C11orf65: variants seen among roughly 807,000 people sequenced by gnomAD.
C11orf65 encodes the protein chromosome 11 open reading frame 65.
C11orf65 carries 38 observed loss-of-function variants against 35.3 expected under a neutral mutation model. The observed-to-expected ratio is 1.08, with a 90% CI of 0.83 to 1.41. The LOEUF is 1.41. C11orf65 is among the 40% of genes most tolerant of loss of function. The probability of loss-of-function intolerance (pLI) is 0.00; values close to 1 mark genes in which losing one functional copy is unlikely to be tolerated. For missense variants in C11orf65, 370 were observed against 367.1 expected, an observed-to-expected ratio of 1.01 and a Z score of -0.06; for synonymous variants, 105 against 114.4, an observed-to-expected ratio of 0.92 and a Z score of 0.53.
chr11:108,312,905 C>T (rs988849611), intron 6 of C11orf65, among the ~76,000 whole-genome samples: 1 of 152,178 alleles, frequency 6.6e-6, no homozygotes, highest in Non-Finnish European at 1.5e-5. Flanking sequence ...TAAATTGGCT[C>T]ATGTTACTGT....
intron 6 of C11orf65, 72 bp from the exon 7 acceptor site, chr11:108,393,450 T>G: frequency 7.4e-7 from 1 of 1,351,942 alleles, no homozygotes; most frequent in Non-Finnish European, 1.0e-6. Context: ...AGGCAATATA[T>G]ATTGTTGCTA....
intron 1 of C11orf65, among the ~76,000 whole-genome samples, chr11:108,465,388 A>G (rs1200599440): frequency 6.6e-6 from 1 of 152,260 alleles, no homozygotes; most frequent in Admixed American, 6.5e-5. Context: ...AGCATTCAAA[A>G]TTATCTGATT....
chr11:108,377,744 C>T (rs1014072674), intron 2 of C11orf65, among the ~76,000 whole-genome samples: 3 of 151,764 alleles, frequency 2.0e-5, no homozygotes, highest in Non-Finnish European at 4.4e-5. Flanking sequence ...ACTGTCTCAG[C>T]CCAAAATCTC....
intron 2 of C11orf65, among the ~76,000 whole-genome samples, chr11:108,364,725 G>A (rs1312030971): frequency 1.3e-5 from 2 of 152,170 alleles, no homozygotes; most frequent in Non-Finnish European, 2.9e-5. Flanking sequence ...GACAGCCTGG[G>A]CTGAGGAAGA....
At chr11:108,406,666 T>C in intron 5 of C11orf65, 97 bp downstream of exon 5, 1 of 817,820 alleles carries the variant, frequency 1.2e-6, no homozygotes, top group Non-Finnish European at 1.7e-6. Context: ...ATTACTAGGA[T>C]TTATTATTTT....
chr11:108,401,148 C>T (rs1052340714), intron 6 of C11orf65, among the ~76,000 whole-genome samples: 14 of 151,750 alleles, frequency 9.2e-5, no homozygotes, highest in Middle Eastern at 3.2e-3. Context: ...CTGCTCCCCT[C>T]GCTCCCCTCA....
At chr11:108,425,175 TAA>T (rs1229963186) in intron 3 of C11orf65, among the ~76,000 whole-genome samples, 1 of 151,602 alleles carries the variant, frequency 6.6e-6, no homozygotes, top group Non-Finnish European at 1.5e-5. Context: ...CTGAAGGAGA[TAA>T]GAGACACAAA....
At chr11:108,365,067 G>T (rs1222455348) in intron 2 of C11orf65, 1 of 1,613,272 alleles carries the variant, frequency 6.2e-7, no homozygotes, top group African/African-American at 1.3e-5. Context: ...TAATACATAT[G>T]TTCTCTCTGT....
intron 2 of C11orf65, among the ~76,000 whole-genome samples, chr11:108,352,601 T>C (rs562668393): frequency 5.8e-4 from 89 of 152,276 alleles, no homozygotes; most frequent in African/African-American, 1.9e-3. Flanking sequence ...AAAATGGCCA[T>C]GTACTACAAA....
At chr11:108,363,542 G>C (rs565512433) in intron 2 of C11orf65, among the ~76,000 whole-genome samples, 5 of 152,278 alleles carry the variant, frequency 3.3e-5, no homozygotes, top group African/African-American at 4.8e-5. Context: ...TCACAATTGG[G>C]GATGGGAGAT....
intron 2 of C11orf65, among the ~76,000 whole-genome samples, chr11:108,437,776 C>T (rs983505002): frequency 3.2e-4 from 44 of 138,700 alleles, no homozygotes; most frequent in Non-Finnish European, 2.1e-4. Context: ...CCCACATTCA[C>T]AGATTGGAAG....
chr11:108,373,166 C>A (rs934330750), intron 2 of C11orf65, among the ~76,000 whole-genome samples: 10 of 152,072 alleles, frequency 6.6e-5, no homozygotes, highest in African/African-American at 2.4e-4. Flanking sequence ...ATTAGCAAAT[C>A]AATTCTATCA....
At chr11:108,467,621 G>C (rs1251514161), upstream of C11orf65, 2 of 152,198 alleles carry the variant, frequency 1.3e-5, no homozygotes. Context: ...ACAAAGTGCA[G>C]GGGATATAGA....
At position 108,316,051 on chromosome 11, in the gene C11orf65, C is replaced by G. The variant is rs1456877872; in HGVS notation, c.641-6980G>C. 6.2e-7 allele frequency: 1 copy of G among 1,614,148 alleles called. No homozygotes were observed. The highest frequency in any genetic ancestry group is 2.2e-5 in the East Asian group (1 of 44,868). On this transcript the variant is annotated intron_variant, in intron 6 of 6. Coordinates refer to the C11orf65 transcript ENST00000525729. ...ACACGAAGCAATGTGGGGCAAAGCC[C>G]TAGTAACATATGACCTCGAAACAGC...
Position 108,459,411 on chromosome 11 carries a change from T to A in C11orf65, c.81+2068A>T, listed in dbSNP as rs569570650. 2.5e-3 allele frequency among the ~76,000 whole-genome samples: 383 copies of A among 152,176 alleles called. 7 individuals carry two copies. The highest frequency in any genetic ancestry group is 2.1e-4 in the Non-Finnish European group (14 of 67,994). Reference sequence around the variant, plus strand: ...AGACAACTGGCACAGCTGCCCCATATACAGACCTTCAATTAACCCCTGTCT... The same window carrying A: ...AGACAACTGGCACAGCTGCCCCATAAACAGACCTTCAATTAACCCCTGTCT... On this transcript the variant is annotated intron_variant, in intron 2 of 8. Coordinates refer to ENST00000393084, the MANE Select transcript of C11orf65 (RefSeq NM_152587.5).
At chr11:108,426,786 T>C (rs1407313109) in intron 3 of C11orf65, among the ~76,000 whole-genome samples, 2 of 152,178 alleles carry the variant, frequency 1.3e-5, no homozygotes, top group Non-Finnish European at 2.9e-5. Flanking sequence ...AGCATGGTAC[T>C]GATACCAAAA....
intron 6 of C11orf65, among the ~76,000 whole-genome samples, chr11:108,403,380 G>T (rs1233482177): frequency 1.9e-5 from 2 of 106,726 alleles, no homozygotes; most frequent in East Asian, 3.2e-4. Flanking sequence ...CAAATTTTTT[G>T]CCCACTTTAA....
intron 4 of C11orf65, 42 bp downstream of exon 4, chr11:108,407,054 A>G (rs767001775): frequency 6.3e-7 from 1 of 1,579,368 alleles, no homozygotes; most frequent in Non-Finnish European, 8.7e-7. Context: ...TTTCATAAAA[A>G]TGTGCTTTAT....
chr11:108,327,607 A>C, downstream of C11orf65: 240 of 1,373,406 alleles, frequency 1.7e-4, no homozygotes, highest in Non-Finnish European at 2.3e-4. Context: ...CAGTCATGGT[A>C]ATGCATTATA....
Sources: allele counts gnomAD v4.1 joint callset (sites outside exome capture counted in the v4.1 genomes callset), GRCh38; gene constraint gnomAD v4.1.1; transcripts MANE v1.5; gene names NCBI Gene and HGNC (gene_info 2026-07-23, HGNC 2026-07-21).